Variants in RYR2 observed in about 807,000 individuals in gnomAD.
RYR2 encodes ryanodine receptor 2.
Under a neutral mutation model 601.1 loss-of-function variants are expected in RYR2, and 227 were observed. The ratio of observed to expected loss-of-function variants is 0.38; its 90% CI spans 0.34 to 0.42. RYR2 has a LOEUF of 0.42. Among genes scored for constraint, RYR2 ranks in the 10% least tolerant of loss-of-function variants. The pLI, the probability that RYR2 is intolerant of heterozygous loss-of-function variation, is 1.00. For missense variants in RYR2, 4,646 were observed against 6,156.5 expected, an observed-to-expected ratio of 0.75 and a Z score of 8.21; for synonymous variants, 2,223 against 2,175.1, an observed-to-expected ratio of 1.02 and a Z score of -0.61.
In RYR2 at chr1:237,660,800, T is replaced by C. The variant is rs1214309072; in HGVS notation, c.8299-10T>C. 3 of 1,536,934 alleles carry C rather than the reference T, an allele frequency of 2.0e-6. No homozygotes were observed. The highest frequency in any genetic ancestry group is 2.6e-6 in the Non-Finnish European group (3 of 1,138,244). The stretch of plus-strand genomic sequence containing the variant: ...AATATATCTGTTGTTTCTTGTTTTT[T>C]CTTCTCTAGGAAAAAGAAATTTATC... On this transcript the variant is annotated splice_polypyrimidine_tract_variant and intron_variant, in intron 55 of 104. Coordinates refer to ENST00000366574, the MANE Select transcript of RYR2 (RefSeq NM_001035.3).
intron 1 of RYR2, among the ~76,000 whole-genome samples, chr1:237,064,527 G>C (rs1033613895): frequency 1.3e-5 from 2 of 151,824 alleles, no homozygotes; most frequent in African/African-American, 2.4e-5. Flanking sequence ...TAAATGTATT[G>C]GACATAATGT....
At chr1:237,361,096 C>T (rs1699749662) in intron 4 of RYR2, among the ~76,000 whole-genome samples, 2 of 152,160 alleles carry the variant, frequency 1.3e-5, no homozygotes, top group Non-Finnish European at 2.9e-5. Context: ...CCTGCCCTGG[C>T]CTCCCAAAGT....
chr1:237,534,257 AAAC>A (rs1191921061), intron 25 of RYR2, among the ~76,000 whole-genome samples: 4 of 152,054 alleles, frequency 2.6e-5, no homozygotes, highest in Non-Finnish European at 4.4e-5. Context: ...AGAATTGAGA[AAAC>A]AAGCATCATG....
intron 35 of RYR2, among the ~76,000 whole-genome samples, chr1:237,607,436 A>G (rs58700230): frequency 6.4e-5 from 9 of 140,702 alleles, no homozygotes; most frequent in East Asian, 2.2e-4. Flanking sequence ...GGGTTGGGGG[A>G]GGGAGGGAGG....
At chr1:237,382,166 T>A in intron 8 of RYR2, among the ~76,000 whole-genome samples, 1 of 152,334 alleles carries the variant, frequency 6.6e-6, no homozygotes, top group Middle Eastern at 3.4e-3. Flanking sequence ...GATTTCCAAC[T>A]GATTTTCTAC....
chr1:237,555,515 TC>T (rs1445976814), intron 27 of RYR2, among the ~76,000 whole-genome samples: 1 of 152,150 alleles, frequency 6.6e-6, no homozygotes. Context: ...CCCCAGGTTT[TC>T]ATTACTTTAC....
At chr1:237,383,262 G>A (rs1407092501) in intron 8 of RYR2, among the ~76,000 whole-genome samples, 2 of 151,870 alleles carry the variant, frequency 1.3e-5, no homozygotes, top group South Asian at 4.1e-4. Flanking sequence ...AAGAACTCCT[G>A]GAAGGTGATT....
intron 1 of RYR2, among the ~76,000 whole-genome samples, chr1:237,125,717 G>A (rs150638180): frequency 6.6e-6 from 1 of 152,270 alleles, no homozygotes; most frequent in East Asian, 1.9e-4. Context: ...AAACAAACAT[G>A]TATCATAAAA....
chr1:237,042,376 G>A lies in RYR2; in HGVS notation c.-146G>A, dbSNP rs1282612104. 4 of 758,424 alleles carry A rather than the reference G, an allele frequency of 5.3e-6. No individual in the cohort carries two copies. Among genetic ancestry groups the A allele is most frequent in the Middle Eastern group, 5.0e-4 (1 of 2,008 alleles). 47.0% of individuals were successfully genotyped at this position (758,424 alleles called of 1,614,324 possible). On this transcript the variant is annotated 5_prime_UTR_variant, in exon 1 of 105. Coordinates refer to ENST00000366574, the MANE Select transcript of RYR2 (RefSeq NM_001035.3). ...CCTCCTCCTCCGCTCTGCAGGCGGGGACCGCCCGGCGCTCGGCACCCGGCA... is the reference window on the plus strand; with the variant it reads ...CCTCCTCCTCCGCTCTGCAGGCGGGAACCGCCCGGCGCTCGGCACCCGGCA...
chr1:237,536,506 A>C (rs1321071029), intron 25 of RYR2, among the ~76,000 whole-genome samples: 1 of 151,944 alleles, frequency 6.6e-6, no homozygotes, highest in Non-Finnish European at 1.5e-5. Flanking sequence ...CGAGGTCAGG[A>C]GATCGAGACC....
intron 12 of RYR2, among the ~76,000 whole-genome samples, chr1:237,437,328 A>G (rs1201158303): frequency 6.6e-6 from 1 of 152,176 alleles, no homozygotes; most frequent in Non-Finnish European, 1.5e-5. Context: ...CTGGGATTAC[A>G]GGCGTGAGCC....
rs184221759 is a variant in RYR2 at position 237,465,659 on chromosome 1, A to G, written c.1613-3433A>G. On this transcript the variant is annotated intron_variant, in intron 16 of 104. Coordinates refer to ENST00000366574, the MANE Select transcript of RYR2 (RefSeq NM_001035.3). The stretch of plus-strand genomic sequence containing the variant: ...GGATGGCCTACTGCATGGCTATGCT[A>G]TACGGGATGGCCTACTGCGCGGCTA... Among the ~76,000 whole-genome samples, 28 of 152,284 alleles carry G rather than the reference A, an allele frequency of 1.8e-4. 1 individual carries two copies. In the South Asian group the frequency reaches 2.9e-3, roughly 16 times the overall value.
chr1:237,264,296 C>T (rs796511653), intron 1 of RYR2, among the ~76,000 whole-genome samples: 9 of 152,192 alleles, frequency 5.9e-5, no homozygotes, highest in African/African-American at 9.6e-5. Flanking sequence ...TGGGATTAGC[C>T]GGTGTACAGT....
At chr1:237,276,504 T>C (rs2149366523) in intron 2 of RYR2, among the ~76,000 whole-genome samples, 1 of 152,228 alleles carries the variant, frequency 6.6e-6, no homozygotes, top group East Asian at 1.9e-4. Context: ...CAAAATGGTA[T>C]TAATAAAGAT....
intron 58 of RYR2, among the ~76,000 whole-genome samples, chr1:237,671,502 GGTGTGT>G (rs367893618): frequency 4.0e-5 from 6 of 149,280 alleles, no homozygotes; most frequent in Admixed American, 1.3e-4. Flanking sequence ...TTGGTGCCTG[GGTGTGT>G]GTGTGTGTGT....
chr1:237,612,801 C>A (rs1678035036), intron 36 of RYR2, among the ~76,000 whole-genome samples: 1 of 152,106 alleles, frequency 6.6e-6, no homozygotes, highest in Admixed American at 6.5e-5. Context: ...CAACATAACA[C>A]CTTGTCTCAG....
intron 100 of RYR2, among the ~76,000 whole-genome samples, chr1:237,815,196 C>G (rs1661684548): frequency 6.6e-6 from 1 of 152,126 alleles, no homozygotes; most frequent in Non-Finnish European, 1.5e-5. Context: ...CTCAGATTGT[C>G]TGAAAGAAGC....
chr1:237,044,941 TTTC>T (rs1170039603), intron 1 of RYR2, among the ~76,000 whole-genome samples: 95 of 135,748 alleles, frequency 7.0e-4, no homozygotes, highest in Middle Eastern at 3.8e-3. Flanking sequence ...ATATGAGTTA[TTTC>T]TTCTTCTTCT....
intron 92 of RYR2, among the ~76,000 whole-genome samples, chr1:237,790,264 A>G (rs550847238): frequency 6.6e-6 from 1 of 152,084 alleles, no homozygotes; most frequent in East Asian, 1.9e-4. Flanking sequence ...TCATCTTTGA[A>G]CCCTCTCTTT....
Sources: allele counts gnomAD v4.1 joint callset (sites outside exome capture counted in the v4.1 genomes callset), GRCh38; gene constraint gnomAD v4.1.1; transcripts MANE v1.5; gene names NCBI Gene and HGNC (gene_info 2026-07-23, HGNC 2026-07-21).